ZC3H15: variants seen among roughly 807,000 people sequenced by gnomAD.
ZC3H15 encodes the protein zinc finger CCCH-type containing 15.
In ZC3H15, 15 loss-of-function variants were observed where a neutral mutation model predicts 51.2. The observed-to-expected ratio is 0.29, with a 90% CI of 0.20 to 0.45. The LOEUF (loss-of-function observed/expected upper bound fraction) is 0.45. Among genes scored for constraint, ZC3H15 ranks in the 20% least tolerant of loss-of-function variants. The probability of loss-of-function intolerance (pLI) is 1.00; values close to 1 mark genes in which losing one functional copy is unlikely to be tolerated. For synonymous variants in ZC3H15, 144 were observed against 162.8 expected (o/e 0.88, Z 0.88); for missense variants, 381 against 494.7 (o/e 0.77, Z 2.18).
chr2:186,486,515 G>C, intron 1 of ZC3H15, 58 bp downstream of exon 1: 1 of 1,493,006 alleles, frequency 6.7e-7, no homozygotes, highest in Non-Finnish European at 9.0e-7. Context: ...CCACTTCCCC[G>C]CTCCGGGCTT....
chr2:186,495,094 G>A, intron 1 of ZC3H15, 139 bp from the exon 2 acceptor site: 1 of 497,798 alleles, frequency 2.0e-6, no homozygotes. Context: ...ATATTGCCTT[G>A]ACTTGATGTT....
intron 1 of ZC3H15, chr2:186,488,815 T>G (rs1256473441): frequency 2.4e-5 from 2 of 84,632 alleles, no homozygotes; most frequent in Non-Finnish European, 5.8e-5. Flanking sequence ...GGGATCTGGG[T>G]GGTGTGTCTA....
chr2:186,501,247 C>T (rs1196525977), intron 3 of ZC3H15, 26 bp from the exon 4 acceptor site: 3 of 1,571,738 alleles, frequency 1.9e-6, no homozygotes, highest in Non-Finnish European at 2.6e-6. Context: ...GATTATAATA[C>T]AAATACCATA....
chr2:186,501,525 A>G, intron 4 of ZC3H15, 100 bp downstream of exon 4: 1 of 1,026,386 alleles, frequency 9.7e-7, no homozygotes, highest in South Asian at 2.0e-5. Context: ...ATCTTAATAG[A>G]CTGTTTATAA....
chr2:186,500,069 TA>T lies in ZC3H15; in HGVS notation c.178-109del, dbSNP rs1685354563. On this transcript the variant is annotated intron_variant, in intron 2 of 9. Transcript: ENST00000337859. Reference sequence around the variant, plus strand: ...TGTAAGGCCATTATAACACTGATGTTAAAAGGTAAGGACTGTAAATATGCAA... The same window carrying T: ...TGTAAGGCCATTATAACACTGATGTTAAAGGTAAGGACTGTAAATATGCAA... 7.1e-5 allele frequency: 60 copies of T among 849,640 alleles called. 2 individuals are homozygous for T. In the South Asian group the frequency reaches 1.1e-3, roughly 16 times the overall value. 52.6% of individuals were successfully genotyped at this position (849,640 alleles called of 1,614,324 possible).
rs747213469 is a variant in ZC3H15, at chr2:186,495,354, A to G, written c.177+20A>G. The G allele has an allele frequency of 6.8e-6, 9 of 1,328,718 alleles. No individual in the cohort carries two copies. The highest frequency in any genetic ancestry group is 2.9e-5 in the East Asian group (1 of 34,642). The allele number at this position is 1,328,718 out of a possible 1,614,324, so 82.3% of individuals were successfully genotyped here. The stretch of plus-strand genomic sequence containing the variant: ...CGTCAGGTAAGTAATTTAAATGTCC[A>G]TATCTTTTTATAAATGTAATATTAA... On this transcript the variant is annotated intron_variant, in intron 2 of 9. Coordinates refer to ENST00000337859, the MANE Select transcript of ZC3H15 (RefSeq NM_018471.3).
chr2:186,505,922 CCAA>C (rs1313713135), intron 8 of ZC3H15, 81 bp downstream of exon 8: 1 of 1,434,350 alleles, frequency 7.0e-7, no homozygotes, highest in African/African-American at 1.4e-5. Context: ...TTAAGAGCCA[CCAA>C]CATCAGAGCC....
chr2:186,502,980 G>C (rs1004466375), intron 5 of ZC3H15, among the ~76,000 whole-genome samples: 1 of 152,068 alleles, frequency 6.6e-6, no homozygotes. Flanking sequence ...AAATTTTAAG[G>C]TTTAAAATAT....
intron 8 of ZC3H15, 116 bp from the exon 9 acceptor site, chr2:186,506,597 T>C: frequency 1.7e-6 from 2 of 1,189,520 alleles, no homozygotes; most frequent in Middle Eastern, 3.0e-4. Context: ...TGGCCAGTAA[T>C]TGGTCTTTTG....
At chr2:186,493,222 C>T (rs971382161) in intron 1 of ZC3H15, among the ~76,000 whole-genome samples, 2 of 151,992 alleles carry the variant, frequency 1.3e-5, no homozygotes, top group Non-Finnish European at 2.9e-5. Flanking sequence ...TAATTCTTAT[C>T]TACTACAGCT....
chr2:186,503,958 T>A, intron 5 of ZC3H15, 74 bp from the exon 6 acceptor site: 1 of 1,245,600 alleles, frequency 8.0e-7, no homozygotes, highest in Non-Finnish European at 1.1e-6. Flanking sequence ...GTATACTTGT[T>A]CCATATACTC....
chr2:186,504,039 A>G lies in ZC3H15; in HGVS notation c.542A>G (p.Lys181Arg). The G allele has an allele frequency of 2.5e-6, 4 of 1,592,750 alleles. No individual in the cohort carries two copies. Among genetic ancestry groups the G allele is most frequent in the Non-Finnish European group, 3.4e-6 (4 of 1,171,198 alleles). The change falls in exon 6 of 10, where the codon AAG becomes AGG. Residue 181 changes from lysine (K) to arginine (R), a missense_variant. This residue lies in a region of ZC3H15 where 41 missense variants were observed against 86.5 expected (regional missense o/e 0.47). Coordinates refer to ENST00000337859, the MANE Select transcript of ZC3H15 (RefSeq NM_018471.3). ...KKKPKTQIVCKHFLEAIENNK... is the reference protein window; with the variant it reads ...KKKPKTQIVCRHFLEAIENNK... Reference sequence around the variant, plus strand: ...ATAATATTGTCTCTATAGGTGTGCAAGCATTTCCTGGAAGCTATTGAAAAC... The same window carrying G: ...ATAATATTGTCTCTATAGGTGTGCAGGCATTTCCTGGAAGCTATTGAAAAC...
At position 186,508,585 on chromosome 2, in the gene ZC3H15, G is replaced by A; in HGVS notation, c.1133G>A (p.Gly378Asp). 1 of 1,614,016 alleles carries A rather than the reference G, an allele frequency of 6.2e-7. No homozygotes were observed. The change falls in exon 10 of 10, where the codon GGT (glycine) becomes GAT (aspartate). Residue 378 changes from glycine to aspartate, a missense_variant. Gly to Asp is a moderately conservative substitution (Grantham distance 94). Coordinates refer to ENST00000337859, the MANE Select transcript of ZC3H15 (RefSeq NM_018471.3). Reference protein sequence around the residue: ...SEASGGRAENGERSDLEEDNE... With the variant: ...SEASGGRAENDERSDLEEDNE... ...GCTTCTGGAGGTAGGGCTGAAAATG[G>A]TGAAAGAAGTGACTTGGAAGAGGAC...
intron 2 of ZC3H15, among the ~76,000 whole-genome samples, chr2:186,498,188 C>CT (rs1443428069): frequency 1.3e-5 from 2 of 152,288 alleles, no homozygotes; most frequent in African/African-American, 4.8e-5. Context: ...CATCCATACC[C>CT]TTTCCTTCCT....
intron 5 of ZC3H15, 38 bp from the exon 6 acceptor site, chr2:186,503,994 C>T (rs772717607): frequency 3.3e-6 from 5 of 1,507,138 alleles, no homozygotes; most frequent in Middle Eastern, 1.8e-4. Flanking sequence ...AAATGGCCTA[C>T]ACTGAGCCAC....
At chr2:186,497,913 C>A (rs1401030613) in intron 2 of ZC3H15, among the ~76,000 whole-genome samples, 10 of 152,164 alleles carry the variant, frequency 6.6e-5, no homozygotes, top group African/African-American at 2.4e-4. Context: ...TAGTGCTGCT[C>A]TTAGAGCTGG....
intron 6 of ZC3H15, 112 bp from the exon 7 acceptor site, chr2:186,505,339 A>G (rs1325662927): frequency 2.4e-6 from 3 of 1,263,300 alleles, no homozygotes; most frequent in Non-Finnish European, 3.1e-6. Flanking sequence ...TTCCAATGTA[A>G]TATCTTCAGG....
At chr2:186,501,839 G>A (rs1353859685) in intron 4 of ZC3H15, among the ~76,000 whole-genome samples, 2 of 151,798 alleles carry the variant, frequency 1.3e-5, no homozygotes, top group Non-Finnish European at 2.9e-5. Flanking sequence ...AGCCTCCCAA[G>A]TAGCTGGGTC....
intron 9 of ZC3H15, 146 bp from the exon 10 acceptor site, chr2:186,508,397 C>G: frequency 1.5e-6 from 1 of 674,664 alleles, no homozygotes; most frequent in Non-Finnish European, 2.5e-6. Flanking sequence ...AAAGAATGAT[C>G]AGTTCTTGCT....
Sources: gnomAD v4.1 joint callset for allele counts (sites outside exome capture counted in the v4.1 genomes callset) on GRCh38, gnomAD v4.1.1 for gene constraint, gnomAD v4.1.1 regional missense constraint, MANE v1.5 for transcripts, NCBI Gene and HGNC (gene_info 2026-07-23, HGNC 2026-07-21) for gene names.